The following PDLIM1 variants were observed in gnomAD, a reference collection of about 807,000 sequenced individuals.
PDLIM1 encodes PDZ and LIM domain 1.
A neutral mutation model predicts 35.2 loss-of-function variants in PDLIM1; 25 were observed. The observed-to-expected ratio is 0.71, with a 90% CI of 0.52 to 0.99. The LOEUF (loss-of-function observed/expected upper bound fraction) is 0.99, where lower values mean the gene tolerates loss of function less well. Among genes scored for constraint, PDLIM1 ranks in the 50% least tolerant of loss-of-function variants. The probability of loss-of-function intolerance (pLI) is 0.00; values close to 1 mark genes in which losing one functional copy is unlikely to be tolerated. For synonymous variants in PDLIM1, 152 were observed against 154.0 expected (o/e 0.99, Z 0.10); for missense variants, 363 against 415.3 (o/e 0.87, Z 1.09).
intron 1 of PDLIM1, among the ~76,000 whole-genome samples, chr10:95,283,881 C>T (rs1379310311): frequency 6.6e-6 from 1 of 152,188 alleles, no homozygotes; most frequent in Non-Finnish European, 1.5e-5. Flanking sequence ...AAAGGTCTGC[C>T]ATGATCCTGA....
intron 4 of PDLIM1, among the ~76,000 whole-genome samples, chr10:95,255,315 CA>C (rs1256285918): frequency 3.1e-4 from 35 of 112,718 alleles, no homozygotes; most frequent in African/African-American, 1.1e-3. Context: ...ATACCAAAAC[CA>C]AAGATACTAA....
intron 3 of PDLIM1, 147 bp downstream of exon 3, chr10:95,268,631 C>A: frequency 1.5e-6 from 1 of 652,922 alleles, no homozygotes; most frequent in South Asian, 1.8e-5. Context: ...ACGGGAAGAA[C>A]TGAACAAGAG....
chr10:95,244,772 C>T (rs1317801345), intron 5 of PDLIM1, among the ~76,000 whole-genome samples: 1 of 152,128 alleles, frequency 6.6e-6, no homozygotes, highest in Non-Finnish European at 1.5e-5. Flanking sequence ...TGGTGGTACA[C>T]ATCTGTAATC....
At chr10:95,263,696 G>A (rs2035385716) in intron 4 of PDLIM1, among the ~76,000 whole-genome samples, 168 bp downstream of exon 4, 1 of 152,192 alleles carries the variant, frequency 6.6e-6, no homozygotes, top group Admixed American at 6.5e-5. Context: ...AAAGCAGGAG[G>A]TATTGTCCCC....
At chr10:95,268,926 A>C in intron 2 of PDLIM1, 64 bp from the exon 3 acceptor site, 1 of 1,205,046 alleles carries the variant, frequency 8.3e-7, no homozygotes, top group Non-Finnish European at 1.2e-6. Context: ...ACCAAAGACA[A>C]ACTGGAAAAA....
intron 4 of PDLIM1, among the ~76,000 whole-genome samples, chr10:95,255,337 A>G (rs1453253874): frequency 4.0e-5 from 6 of 151,754 alleles, no homozygotes; most frequent in Admixed American, 3.3e-4. Context: ...AAAAAAAAAA[A>G]AAAAAGCTAC....
chr10:95,241,120 G>A (rs554506847), intron 5 of PDLIM1, among the ~76,000 whole-genome samples: 12 of 152,300 alleles, frequency 7.9e-5, no homozygotes, highest in Non-Finnish European at 1.6e-4. Context: ...CAGTCACGTC[G>A]GGCAATCGCG....
intron 1 of PDLIM1, among the ~76,000 whole-genome samples, chr10:95,289,774 G>T (rs2035635848): frequency 6.6e-6 from 1 of 152,248 alleles, no homozygotes; most frequent in Non-Finnish European, 1.5e-5. Context: ...ATGAGCCCAA[G>T]AATGGAATGT....
At chr10:95,273,710 C>T (rs2035486822) in intron 1 of PDLIM1, among the ~76,000 whole-genome samples, 2 of 152,182 alleles carry the variant, frequency 1.3e-5, no homozygotes, top group Non-Finnish European at 2.9e-5. Context: ...CCTCATCCAG[C>T]CACTGGGACA....
At chr10:95,242,937 A>G (rs1449016500) in intron 5 of PDLIM1, among the ~76,000 whole-genome samples, 2 of 151,990 alleles carry the variant, frequency 1.3e-5, no homozygotes, top group African/African-American at 2.4e-5. Context: ...AACCAGCTCA[A>G]TGAGGTCGGG....
chr10:95,287,929 C>T (rs1295589697), intron 1 of PDLIM1, among the ~76,000 whole-genome samples: 3 of 151,572 alleles, frequency 2.0e-5, no homozygotes, highest in Non-Finnish European at 2.9e-5. Context: ...CACACACACA[C>T]GTGTTCTGTA....
In PDLIM1 at chr10:95,266,158, T is replaced by C. The variant is rs45622940; in HGVS notation, c.334-2095A>G. 4.9e-3 allele frequency among the ~76,000 whole-genome samples: 711 copies of C among 146,446 alleles called. 7 individuals are homozygous for C. Among genetic ancestry groups the C allele is most frequent in the African/African-American group, 0.017 (680 of 39,494 alleles). ...GTTGCAGTGAGCCAAGACTGCACCA[T>C]TGCACTCCAGCCTGGGTGACAGAGC... On this transcript the variant is annotated intron_variant, in intron 3 of 6. Coordinates refer to ENST00000329399, the MANE Select transcript of PDLIM1 (RefSeq NM_020992.4).
Position 95,243,520 on chromosome 10 carries a change from C to G in PDLIM1, c.685+3695G>C, listed in dbSNP as rs1213905507. Among the ~76,000 whole-genome samples the G allele has an allele frequency of 2.6e-5, 4 of 152,284 alleles. No individual in the cohort carries two copies. The South Asian group carries it at 8.3e-4, about 32-fold the overall frequency. On this transcript the variant is annotated intron_variant, in intron 5 of 6. Coordinates refer to ENST00000329399, the MANE Select transcript of PDLIM1 (RefSeq NM_020992.4). Reference sequence around the variant, plus strand: ...CAAGCTCATGATTCTTAACCTTGCACCTGGTGGTCCCCCATATCTAACTCG... The same window carrying G: ...CAAGCTCATGATTCTTAACCTTGCAGCTGGTGGTCCCCCATATCTAACTCG...
At chr10:95,272,462 G>A (rs1462936517) in intron 1 of PDLIM1, among the ~76,000 whole-genome samples, 1 of 152,136 alleles carries the variant, frequency 6.6e-6, no homozygotes, top group Non-Finnish European at 1.5e-5. Flanking sequence ...CGGATCACCT[G>A]AGGCCACGAG....
At chr10:95,284,235 G>A (rs2035583092) in intron 1 of PDLIM1, among the ~76,000 whole-genome samples, 1 of 152,140 alleles carries the variant, frequency 6.6e-6, no homozygotes, top group Admixed American at 6.5e-5. Flanking sequence ...TTAACTAGGA[G>A]AACTGTTGGG....
intron 1 of PDLIM1, among the ~76,000 whole-genome samples, chr10:95,282,706 G>A (rs1436783930): frequency 2.6e-5 from 4 of 152,222 alleles, no homozygotes; most frequent in East Asian, 3.8e-4. Context: ...TTGGGAGGCC[G>A]AGATGGGCGG....
At chr10:95,263,139 T>C (rs534549748) in intron 4 of PDLIM1, among the ~76,000 whole-genome samples, 6 of 139,846 alleles carry the variant, frequency 4.3e-5, no homozygotes, top group Admixed American at 1.5e-4. Flanking sequence ...AGCGAAAGCT[T>C]GTCTCAAAAA....
intron 5 of PDLIM1, among the ~76,000 whole-genome samples, chr10:95,239,469 C>T (rs1428340140): frequency 1.3e-5 from 2 of 152,172 alleles, no homozygotes; most frequent in East Asian, 3.8e-4. Flanking sequence ...GGTCTAATAT[C>T]CAGCATCTGC....
At chr10:95,287,538 CTG>C (rs2035613135) in intron 1 of PDLIM1, among the ~76,000 whole-genome samples, 1 of 152,142 alleles carries the variant, frequency 6.6e-6, no homozygotes, top group African/African-American at 2.4e-5. Flanking sequence ...TCACCCTTTC[CTG>C]TCTTTTATCA....
Sources: gnomAD v4.1 joint callset for allele counts (sites outside exome capture counted in the v4.1 genomes callset) on GRCh38, gnomAD v4.1.1 for gene constraint, MANE v1.5 for transcripts, NCBI Gene and HGNC (gene_info 2026-07-23, HGNC 2026-07-21) for gene names.